IGSF5: variants seen among roughly 807,000 people sequenced by gnomAD.
The protein encoded by IGSF5 is immunoglobulin superfamily member 5, also known as immunoglobulin superfamily 5 like.
A neutral mutation model predicts 39.4 loss-of-function variants in IGSF5; 41 were observed. The ratio of observed to expected loss-of-function variants is 1.04; its 90% CI spans 0.81 to 1.35. The LOEUF is 1.35. Ranked by LOEUF, IGSF5 falls within the 40% of genes most tolerant of loss-of-function variation. The pLI is 0.00. For synonymous variants in IGSF5, 183 were observed against 175.3 expected (o/e 1.04, Z -0.34); for missense variants, 487 against 494.6 (o/e 0.98, Z 0.15).
chr21:39,717,753 A>G, the IGSF5 span, among the ~76,000 whole-genome samples: 1 of 152,172 alleles, frequency 6.6e-6, no homozygotes, highest in African/African-American at 2.4e-5. Flanking sequence ...GCCTTGTAGT[A>G]TAGTTTGAAA....
intron 4 of IGSF5, among the ~76,000 whole-genome samples, chr21:39,777,098 T>A (rs2080145270): frequency 6.6e-6 from 1 of 152,174 alleles, no homozygotes; most frequent in Non-Finnish European, 1.5e-5. Context: ...GGTCATGAGA[T>A]TTCACTGGTT....
At chr21:39,754,929 A>G (rs2080022319) in intron 2 of IGSF5, among the ~76,000 whole-genome samples, 2 of 151,952 alleles carry the variant, frequency 1.3e-5, no homozygotes, top group East Asian at 3.9e-4. Flanking sequence ...TGGTTCCTGG[A>G]GCTCTGAGGG....
Position 39,801,517 on chromosome 21 carries a change from G to T in IGSF5, c.*160G>T. On this transcript the variant is annotated 3_prime_UTR_variant, in exon 9 of 9. Transcript: ENST00000380588. ...AACTGATACTTGACAGTGAGAGAAGGAATCGATTTTCCCAGAGTTCAAAGT... is the reference window on the plus strand; with the variant it reads ...AACTGATACTTGACAGTGAGAGAAGTAATCGATTTTCCCAGAGTTCAAAGT... 1 of 480,910 alleles carries T rather than the reference G, an allele frequency of 2.1e-6. No individual in the cohort carries two copies. Among genetic ancestry groups the T allele is most frequent in the Non-Finnish European group, 3.7e-6 (1 of 272,040 alleles). 29.8% of individuals were successfully genotyped at this position (480,910 alleles called of 1,614,324 possible).
At chr21:39,772,830 G>GT (rs556353022) in intron 4 of IGSF5, among the ~76,000 whole-genome samples, 779 of 152,198 alleles carry the variant, frequency 5.1e-3, no homozygotes, top group Middle Eastern at 0.01. Flanking sequence ...TTTCATTGGC[G>GT]TAAGTTTGAC....
upstream of IGSF5, among the ~76,000 whole-genome samples, chr21:39,744,933 G>C (rs2079965478): frequency 6.6e-6 from 1 of 152,194 alleles, no homozygotes; most frequent in African/African-American, 2.4e-5. Context: ...AGTGCTTTCG[G>C]GCTACGCCCT....
intron 2 of IGSF5, among the ~76,000 whole-genome samples, chr21:39,748,337 G>C (rs530456495): frequency 1.5e-5 from 1 of 67,236 alleles, no homozygotes; most frequent in Non-Finnish European, 3.4e-5. Context: ...TTGAGACAGC[G>C]TCTCTCTCTG....
chr21:39,777,039 GT>G (rs1295911968), intron 4 of IGSF5, among the ~76,000 whole-genome samples: 1 of 152,206 alleles, frequency 6.6e-6, no homozygotes, highest in East Asian at 1.9e-4. Flanking sequence ...GACAGGAGTT[GT>G]TATTGGTAAG....
At chr21:39,775,625 A>G (rs2080136022) in intron 4 of IGSF5, among the ~76,000 whole-genome samples, 1 of 152,214 alleles carries the variant, frequency 6.6e-6, no homozygotes, top group Non-Finnish European at 1.5e-5. Flanking sequence ...TGGTAAAGTC[A>G]GTAATGAGGC....
intron 1 of IGSF5, 136 bp from the exon 2 acceptor site, chr21:39,746,080 G>A (rs531680268): frequency 1.5e-6 from 1 of 666,252 alleles, no homozygotes; most frequent in African/African-American, 1.8e-5. Context: ...AGAAGCTGTG[G>A]GTCATGGGAG....
At chr21:39,745,923 G>A (rs1020302603) in intron 1 of IGSF5, among the ~76,000 whole-genome samples, 1 of 152,098 alleles carries the variant, frequency 6.6e-6, no homozygotes, top group Non-Finnish European at 1.5e-5. Context: ...CGGGGGGTGG[G>A]GGGTCCTTGC....
intron 3 of IGSF5, among the ~76,000 whole-genome samples, chr21:39,768,735 C>G (rs1028390700): frequency 1.3e-5 from 2 of 152,234 alleles, no homozygotes. Context: ...TTTCTCCACT[C>G]CTTGTTGCAT....
chr21:39,724,681 G>A, the IGSF5 span, among the ~76,000 whole-genome samples: 2 of 152,212 alleles, frequency 1.3e-5, no homozygotes, highest in African/African-American at 4.8e-5. Flanking sequence ...CCAGTCTTGT[G>A]TATGTCTTTT....
At chr21:39,716,297 T>C in the IGSF5 span, among the ~76,000 whole-genome samples, 1 of 152,346 alleles carries the variant, frequency 6.6e-6, no homozygotes, top group Admixed American at 6.5e-5. Flanking sequence ...TTATTTTATT[T>C]TCATTTTGTT....
chr21:39,791,779 T>G, intron 6 of IGSF5: 1 of 450,994 alleles, frequency 2.2e-6, no homozygotes, highest in South Asian at 4.6e-5. Flanking sequence ...GGGAGTAGAG[T>G]CCATGGACCA....
At chr21:39,775,694 T>C (rs2080136277) in intron 4 of IGSF5, among the ~76,000 whole-genome samples, 1 of 152,138 alleles carries the variant, frequency 6.6e-6, no homozygotes, top group African/African-American at 2.4e-5. Context: ...AGTGTTGACC[T>C]TGGAGCTAAT....
At chr21:39,712,170 T>C in the IGSF5 span, among the ~76,000 whole-genome samples, 1 of 152,182 alleles carries the variant, frequency 6.6e-6, no homozygotes, top group East Asian at 1.9e-4. Flanking sequence ...TCTTGGAGTG[T>C]AGTGCCCCAT....
chr21:39,769,429 TGCACTCCAGCCTGGGCAACAA>T (rs901563037), intron 3 of IGSF5, among the ~76,000 whole-genome samples: 1 of 141,668 alleles, frequency 7.1e-6, no homozygotes, highest in African/African-American at 2.6e-5. Context: ...ATGGCACCAT[TGCACTCCAGCCTGGGCAACAA>T]GAGTGAAAGT....
chr21:39,787,445 G>A (rs1424257496), intron 5 of IGSF5, among the ~76,000 whole-genome samples: 2 of 152,026 alleles, frequency 1.3e-5, no homozygotes, highest in African/African-American at 4.8e-5. Flanking sequence ...GGGACAAAAG[G>A]TTGGGGACTT....
intron 4 of IGSF5, among the ~76,000 whole-genome samples, chr21:39,771,656 T>G (rs2146283165): frequency 6.6e-6 from 1 of 152,314 alleles, no homozygotes; most frequent in East Asian, 1.9e-4. Flanking sequence ...TGCTTCATTT[T>G]CTTCCCCACC....
Sources: allele counts gnomAD v4.1 joint callset (sites outside exome capture counted in the v4.1 genomes callset), GRCh38; gene constraint gnomAD v4.1.1; transcripts MANE v1.5; gene names NCBI Gene and HGNC (gene_info 2026-07-23, HGNC 2026-07-21).